AKAP13: variants seen among roughly 807,000 people sequenced by gnomAD.
The protein encoded by AKAP13 is A-kinase anchor protein 13.
In AKAP13, 80 loss-of-function variants were observed where a neutral mutation model predicts 264.5. That is an observed-to-expected ratio of 0.30 (90% CI 0.25 to 0.36). AKAP13 has a LOEUF of 0.36. Among genes scored for constraint, AKAP13 ranks in the 10% least tolerant of loss-of-function variants. The pLI, the probability that AKAP13 is intolerant of heterozygous loss-of-function variation, is 1.00. For synonymous variants in AKAP13, 1,380 were observed against 1,250.2 expected (o/e 1.10, Z -2.19); for missense variants, 3,712 against 3,435.2 (o/e 1.08, Z -2.01).
intron 1 of AKAP13, among the ~76,000 whole-genome samples, chr15:85,437,410 A>T (rs1402815999): frequency 6.6e-6 from 1 of 152,198 alleles, no homozygotes; most frequent in African/African-American, 2.4e-5. Flanking sequence ...AACTGGTACC[A>T]TTCCTTCTGA....
chr15:85,595,966 G>A (rs182320158), intron 8 of AKAP13, among the ~76,000 whole-genome samples: 13 of 152,192 alleles, frequency 8.5e-5, no homozygotes, highest in Admixed American at 7.2e-4. Flanking sequence ...GCCATTGAAA[G>A]TGTGTGTTCT....
intron 2 of AKAP13, among the ~76,000 whole-genome samples, chr15:85,492,857 A>G (rs1251305699): frequency 6.6e-6 from 1 of 152,218 alleles, no homozygotes; most frequent in Non-Finnish European, 1.5e-5. Flanking sequence ...CACATGATGT[A>G]TTCTTTTCCA....
chr15:85,705,256 A>G (rs1484378545), intron 17 of AKAP13, among the ~76,000 whole-genome samples: 5 of 152,256 alleles, frequency 3.3e-5, no homozygotes, highest in African/African-American at 1.2e-4. Flanking sequence ...AAAAATCATC[A>G]TTGCTTAAAT....
chr15:85,489,482 G>A (rs1025310341), intron 2 of AKAP13, among the ~76,000 whole-genome samples: 1 of 152,134 alleles, frequency 6.6e-6, no homozygotes, highest in Non-Finnish European at 1.5e-5. Context: ...ATGCTGTTTT[G>A]GTGAGGAAAA....
chr15:85,568,613 G>T (rs2078694405), intron 5 of AKAP13, among the ~76,000 whole-genome samples: 1 of 152,212 alleles, frequency 6.6e-6, no homozygotes, highest in Admixed American at 6.5e-5. Flanking sequence ...AGAGTGGAAA[G>T]AGATAGTATT....
intron 19 of AKAP13, among the ~76,000 whole-genome samples, chr15:85,713,723 A>G (rs1459228797): frequency 6.6e-6 from 1 of 152,202 alleles, no homozygotes; most frequent in Non-Finnish European, 1.5e-5. Context: ...ATTAATGATT[A>G]TATTAATGCT....
At chr15:85,407,233 T>G (rs2071713250) in intron 1 of AKAP13, among the ~76,000 whole-genome samples, 1 of 148,528 alleles carries the variant, frequency 6.7e-6, no homozygotes, top group African/African-American at 2.5e-5. Context: ...GCTGGGTCTT[T>G]TTTTTTTTTT....
At position 85,542,608 on chromosome 15, in the gene AKAP13, G is replaced by A. The variant is rs533681442; in HGVS notation, c.479-1164G>A. Among the ~76,000 whole-genome samples, 4 of 152,314 alleles carry A rather than the reference G, an allele frequency of 2.6e-5. No individual in the cohort carries two copies. In the South Asian group the frequency reaches 8.3e-4, roughly 32 times the overall value. ...AGAGATGATAGCTAAGCTGAGGCAG[G>A]CACAACTTCAGGGTGCCATTCCCAG... On this transcript the variant is annotated intron_variant, in intron 4 of 36. Transcript: ENST00000394518.
chr15:85,717,127 G>A, intron 20 of AKAP13, 163 bp from the exon 21 acceptor site: 1 of 538,128 alleles, frequency 1.9e-6, no homozygotes, highest in Non-Finnish European at 3.2e-6. Context: ...TTGTTACCAG[G>A]CCATGTGCAT....
chr15:85,727,032 T>C lies in AKAP13; in HGVS notation c.6823-34T>C. On this transcript the variant is annotated intron_variant, in intron 27 of 36. Coordinates refer to ENST00000394518, the MANE Select transcript of AKAP13 (RefSeq NM_007200.5). The surrounding 1 kb of genome is among the most constrained non-coding windows in gnomAD (Gnocchi z 5.3). The stretch of plus-strand genomic sequence containing the variant: ...TCCTTCAGAGTTAGAATATTGTATA[T>C]GTATCTTTTATTTGCCCTCTTCCCT... 1 of 1,611,364 alleles carries C rather than the reference T, an allele frequency of 6.2e-7. No individual in the cohort carries two copies.
chr15:85,594,474 T>C (rs968795863), intron 8 of AKAP13, among the ~76,000 whole-genome samples: 1 of 152,236 alleles, frequency 6.6e-6, no homozygotes, highest in Non-Finnish European at 1.5e-5. Flanking sequence ...TTTTAAAGAA[T>C]ATTATATTAT....
At chr15:85,726,517 T>C (rs1266919660) in intron 27 of AKAP13, 31 bp downstream of exon 27, 8 of 1,562,622 alleles carry the variant, frequency 5.1e-6, no homozygotes, top group Non-Finnish European at 7.1e-6. Flanking sequence ...TGTAATAGTA[T>C]TATAAGCAGC....
In AKAP13 at chr15:85,547,385, C is replaced by T. The variant is rs571043377; in HGVS notation, c.662+3430C>T. Reference sequence around the variant, plus strand: ...TCTTTTTGTGTTTCTTTGTTCAAGGCTTATTTTGATTGCCAGTCTATTTTG... The same window carrying T: ...TCTTTTTGTGTTTCTTTGTTCAAGGTTTATTTTGATTGCCAGTCTATTTTG... On this transcript the variant is annotated intron_variant, in intron 5 of 36. Coordinates refer to ENST00000394518, the MANE Select transcript of AKAP13 (RefSeq NM_007200.5). Among the ~76,000 whole-genome samples the T allele has an allele frequency of 2.7e-5, 4 of 148,588 alleles. No homozygotes were observed. In the East Asian group the frequency reaches 7.7e-4, roughly 29 times the overall value.
Position 85,521,526 on chromosome 15 carries a change from T to A in AKAP13, c.132T>A (p.Cys44Ter). 1 of 1,614,194 alleles carries A rather than the reference T, an allele frequency of 6.2e-7. No homozygotes were observed. The highest frequency in any genetic ancestry group is 8.5e-7 in the Non-Finnish European group (1 of 1,180,018). The change falls in exon 3 of 37, where the codon TGT becomes TGA. Residue 44 changes from cysteine to a stop codon, truncating the protein, a stop_gained. Transcript: ENST00000394518. LOFTEE classifies it high-confidence loss of function. ...TTTTGGGTTCCACCCTCCGTCACTG[T>A]ACAAGTACTCGGAAGGTCAGTTCTG... ...LVFLGSTLRH[C>*]TSTRKVSSDT...
intron 1 of AKAP13, among the ~76,000 whole-genome samples, chr15:85,438,989 G>C (rs1460392787): frequency 6.9e-6 from 1 of 145,062 alleles, no homozygotes; most frequent in Non-Finnish European, 1.5e-5. Context: ...AAACTAAAGA[G>C]CTTCTGCACA....
intron 2 of AKAP13, among the ~76,000 whole-genome samples, chr15:85,497,426 G>A (rs758398849): frequency 6.6e-6 from 1 of 152,190 alleles, no homozygotes; most frequent in East Asian, 1.9e-4. Context: ...TTTCAGAAAA[G>A]GTGGGGGCTC....
intron 5 of AKAP13, among the ~76,000 whole-genome samples, chr15:85,548,078 C>G (rs1212398986): frequency 6.6e-6 from 1 of 152,168 alleles, no homozygotes; most frequent in Non-Finnish European, 1.5e-5. Flanking sequence ...TTGGATCTGG[C>G]TGATCTCTTA....
At chr15:85,639,528 C>T (rs2151473430) in intron 9 of AKAP13, 79 bp downstream of exon 9, 1 of 1,038,470 alleles carries the variant, frequency 9.6e-7, no homozygotes, top group Non-Finnish European at 1.5e-6. Context: ...ATCTGCCCTT[C>T]CTTAGCATGT....
intron 5 of AKAP13, among the ~76,000 whole-genome samples, chr15:85,563,303 G>A (rs2078473109): frequency 7.7e-6 from 1 of 130,136 alleles, no homozygotes; most frequent in Non-Finnish European, 1.6e-5. Context: ...AATCAATATT[G>A]TCCTTCATTT....
Sources: gnomAD v4.1 joint callset for allele counts (sites outside exome capture counted in the v4.1 genomes callset) on GRCh38, gnomAD v4.1.1 for gene constraint, Gnocchi (gnomAD v3.1) non-coding constraint, MANE v1.5 for transcripts, NCBI Gene and HGNC (gene_info 2026-07-23, HGNC 2026-07-21) for gene names.